The following COBL variants were observed in gnomAD, a reference collection of about 807,000 sequenced individuals.
COBL encodes the protein cordon-bleu WH2 repeat protein.
A neutral mutation model predicts 98.8 loss-of-function variants in COBL; 51 were observed. The observed-to-expected ratio is 0.52, with a 90% CI of 0.41 to 0.65. The LOEUF (loss-of-function observed/expected upper bound fraction) is 0.65. COBL is among the 30% of genes least tolerant of loss of function. COBL has a pLI of 0.00. For missense variants in COBL, 1,617 were observed against 1,617.5 expected (o/e 1.00, Z 0.01); for synonymous variants, 634 against 651.7 (o/e 0.97, Z 0.41).
chr7:51,054,050 G>A (rs1790487497), intron 7 of COBL, among the ~76,000 whole-genome samples: 2 of 152,092 alleles, frequency 1.3e-5, no homozygotes, highest in Non-Finnish European at 2.9e-5. Flanking sequence ...AAGTGGTGGT[G>A]TGTGCCTGTA....
At chr7:51,285,687 T>A (rs1289930958) in intron 1 of COBL, among the ~76,000 whole-genome samples, 1 of 152,196 alleles carries the variant, frequency 6.6e-6, no homozygotes, top group Non-Finnish European at 1.5e-5. Flanking sequence ...ATTTACAGAT[T>A]TAACAAAATT....
At chr7:51,149,958 A>G (rs1785403849) in intron 5 of COBL, among the ~76,000 whole-genome samples, 1 of 152,086 alleles carries the variant, frequency 6.6e-6, no homozygotes, top group Non-Finnish European at 1.5e-5. Context: ...AAAAATGATC[A>G]CTTCCTTTGG....
At chr7:51,082,663 A>C (rs1793778048) in intron 7 of COBL, among the ~76,000 whole-genome samples, 1 of 152,056 alleles carries the variant, frequency 6.6e-6, no homozygotes, top group African/African-American at 2.4e-5. Context: ...CCAGCTCTTG[A>C]GTGCGATCTC....
chr7:51,069,888 G>A (rs1792335470), intron 7 of COBL, among the ~76,000 whole-genome samples: 1 of 152,164 alleles, frequency 6.6e-6, no homozygotes, highest in African/African-American at 2.4e-5. Flanking sequence ...CTGCCCTGAA[G>A]CCCTGTAGCA....
intron 5 of COBL, among the ~76,000 whole-genome samples, chr7:51,173,343 G>A (rs1041870103): frequency 1.3e-5 from 2 of 151,442 alleles, no homozygotes; most frequent in Admixed American, 1.3e-4. Context: ...ACCACACCAG[G>A]ATAAATTTTT....
intron 1 of COBL, among the ~76,000 whole-genome samples, chr7:51,261,091 C>A (rs374200890): frequency 6.6e-6 from 1 of 152,198 alleles, no homozygotes; most frequent in Non-Finnish European, 1.5e-5. Context: ...ACACGCCAAG[C>A]TCAGCCCCAC....
At chr7:51,110,615 G>A (rs1796736629) in intron 6 of COBL, among the ~76,000 whole-genome samples, 1 of 152,152 alleles carries the variant, frequency 6.6e-6, no homozygotes, top group Admixed American at 6.5e-5. Flanking sequence ...TGTGATCTGT[G>A]AGGTTTTGGT....
chr7:51,182,321 G>A (rs1048474340), intron 5 of COBL, among the ~76,000 whole-genome samples: 6 of 148,604 alleles, frequency 4.0e-5, no homozygotes, highest in Admixed American at 6.7e-5. Context: ...TCGCTCTGTC[G>A]CCCAGGCTGG....
At chr7:51,150,631 G>C (rs1386111954) in intron 5 of COBL, among the ~76,000 whole-genome samples, 1 of 152,116 alleles carries the variant, frequency 6.6e-6, no homozygotes, top group Non-Finnish European at 1.5e-5. Context: ...AACTATAACT[G>C]ACCTTCTTTC....
chr7:51,080,210 G>A (rs1793502284), intron 7 of COBL, among the ~76,000 whole-genome samples: 1 of 152,224 alleles, frequency 6.6e-6, no homozygotes, highest in African/African-American at 2.4e-5. Flanking sequence ...GGGTGAAGTT[G>A]TATAGGACTT....
intron 1 of COBL, among the ~76,000 whole-genome samples, chr7:51,263,977 G>A (rs1314501977): frequency 2.6e-5 from 4 of 152,200 alleles, no homozygotes; most frequent in African/African-American, 9.6e-5. Flanking sequence ...TTTCATGACA[G>A]CTCACAAGGG....
intron 5 of COBL, among the ~76,000 whole-genome samples, chr7:51,162,898 G>A (rs567398457): frequency 6.6e-6 from 1 of 152,328 alleles, no homozygotes; most frequent in Non-Finnish European, 1.5e-5. Flanking sequence ...CAAAGACATA[G>A]AAACAGCCAG....
At chr7:51,135,109 T>C (rs1799112434) in intron 6 of COBL, among the ~76,000 whole-genome samples, 1 of 152,018 alleles carries the variant, frequency 6.6e-6, no homozygotes, top group African/African-American at 2.4e-5. Flanking sequence ...ACAATAGGCG[T>C]GCACCACCAT....
At chr7:51,273,343 A>G (rs111715689) in intron 1 of COBL, among the ~76,000 whole-genome samples, 3,013 of 151,884 alleles carry the variant, frequency 0.02, 93 homozygotes, top group African/African-American at 0.068. Flanking sequence ...AAAAAAAAAA[A>G]AAAGAAAAAG....
chr7:51,315,721 G>C (rs2129226220), intron 1 of COBL, among the ~76,000 whole-genome samples: 1 of 152,078 alleles, frequency 6.6e-6, no homozygotes, highest in East Asian at 1.9e-4. Context: ...GCCGGGATGA[G>C]CACGGCGCAC....
At chr7:51,264,442 G>A (rs185465148) in intron 1 of COBL, among the ~76,000 whole-genome samples, 1 of 152,142 alleles carries the variant, frequency 6.6e-6, no homozygotes, top group East Asian at 1.9e-4. Flanking sequence ...AGGTCAACAC[G>A]GGTGGATCAC....
chr7:51,156,773 C>A (rs917635968), intron 5 of COBL, among the ~76,000 whole-genome samples: 1 of 151,336 alleles, frequency 6.6e-6, no homozygotes, highest in Admixed American at 6.6e-5. Context: ...ACTTTCAAAT[C>A]ACTAAATGGA....
chr7:51,101,282 G>T (rs778337103), intron 6 of COBL, among the ~76,000 whole-genome samples: 2 of 152,202 alleles, frequency 1.3e-5, no homozygotes, highest in Admixed American at 6.5e-5. Flanking sequence ...TAAACAAAAG[G>T]ATTCTGGTAG....
intron 2 of COBL, among the ~76,000 whole-genome samples, chr7:51,209,261 T>C (rs1792167164): frequency 6.6e-6 from 1 of 152,088 alleles, no homozygotes; most frequent in African/African-American, 2.4e-5. Context: ...AATGTTCTCA[T>C]TGATACAAAC....
Sources: allele counts gnomAD v4.1 joint callset (sites outside exome capture counted in the v4.1 genomes callset), GRCh38; gene constraint gnomAD v4.1.1; transcripts MANE v1.5; gene names NCBI Gene and HGNC (gene_info 2026-07-23, HGNC 2026-07-21).